Variants in ATP12A observed in about 807,000 individuals in gnomAD.
ATP12A encodes the protein potassium-transporting ATPase alpha chain 2.
ATP12A carries 81 observed loss-of-function variants against 111.2 expected under a neutral mutation model. The observed-to-expected ratio is 0.73, with a 90% confidence interval of 0.61 to 0.88. The LOEUF (loss-of-function observed/expected upper bound fraction) is 0.88. Among genes scored for constraint, ATP12A ranks in the 40% least tolerant of loss-of-function variants. The probability of loss-of-function intolerance (pLI) is 0.00; values close to 1 mark genes in which losing one functional copy is unlikely to be tolerated. For missense variants in ATP12A, 1,196 were observed against 1,313.1 expected (o/e 0.91, Z 1.38); for synonymous variants, 498 against 499.8 (o/e 1.00, Z 0.05).
At chr13:24,705,910 G>A (rs1349655841) in intron 14 of ATP12A, among the ~76,000 whole-genome samples, 1 of 152,138 alleles carries the variant, frequency 6.6e-6, no homozygotes, top group African/African-American at 2.4e-5. Context: ...TTGGCCTCAA[G>A]TGATCCTCCT....
At position 24,709,392 on chromosome 13, in the gene ATP12A, A is replaced by G. The variant is rs1875855518; in HGVS notation, c.2522A>G (p.Lys841Arg). 6.2e-7 allele frequency: 1 copy of G among 1,613,578 alleles called. No individual in the cohort carries two copies. Among genetic ancestry groups the G allele is most frequent in the African/African-American group, 1.3e-5 (1 of 74,782 alleles). The change falls in exon 18 of 23, where the codon AAA becomes AGA. Residue 841 changes from lysine (K) to arginine (R), a missense_variant. By Grantham distance (26) the Lys-to-Arg change is conservative. This residue lies in a region of ATP12A where 1,126 missense variants were observed against 1,228.5 expected (regional missense o/e 0.92). Coordinates refer to ENST00000381946, the MANE Select transcript of ATP12A (RefSeq NM_001676.7). The part of the protein sequence containing the change: ...IIPSIALAYE[K>R]AESDIMNRKP... Reference sequence around the variant, plus strand: ...CCCTCCATTGCCTTGGCGTACGAGAAAGCTGAAAGTGACATCATGAACAGG... The same window carrying G: ...CCCTCCATTGCCTTGGCGTACGAGAGAGCTGAAAGTGACATCATGAACAGG...
rs2137711754 is a variant in ATP12A at position 24,700,832 on chromosome 13, C to T, written c.1791C>T (p.Asn597=). The T allele has an allele frequency of 1.2e-6, 2 of 1,614,190 alleles. No individual in the cohort carries two copies. The highest frequency in any genetic ancestry group is 3.3e-5 in the Admixed American group (2 of 60,026). Residue 597 remains asparagine, a synonymous_variant, in exon 13 of 23, where the codon AAC becomes AAT. Coordinates refer to ENST00000381946, the MANE Select transcript of ATP12A (RefSeq NM_001676.7). ...ACGCTATGAACTTTCCGACCTCCAA[C>T]CTCTGTTTTGTGGGACTCTTGTCAA... ...DIDAMNFPTS[N]LCFVGLLSMI...
rs1349656176 is a variant in ATP12A, at chr13:24,691,934, A to G, written c.1069-495A>G. ...TAGTAATTTGGGGAAATTGGAGCCA[A>G]AAGAACCCTTTGAGATCTAGGGGTT... On this transcript the variant is annotated intron_variant, in intron 8 of 22. Transcript: ENST00000381946. Among the ~76,000 whole-genome samples, 3 of 152,256 alleles carry G rather than the reference A, an allele frequency of 2.0e-5. No individual in the cohort carries two copies. In the East Asian group the frequency reaches 5.8e-4, roughly 29 times the overall value.
Position 24,708,963 on chromosome 13 carries a change from A to AAGAG in ATP12A, c.2494-401_2494-400insAGAG, listed in dbSNP as rs1491294764. On this transcript the variant is annotated intron_variant, in intron 17 of 22. Transcript: ENST00000381946. ...AAAGAAAGAAAGAAAGAAAGAAAGAAGGAAAGAGAAAGAGAAATGAATGCA... is the reference window on the plus strand; with the variant it reads ...AAAGAAAGAAAGAAAGAAAGAAAGAAAGAGGGAAAGAGAAAGAGAAATGAATGCA... 7.3e-5 allele frequency among the ~76,000 whole-genome samples: 8 copies of AAGAG among 109,812 alleles called. No individual in the cohort carries two copies. In the East Asian group the frequency reaches 1.8e-3, roughly 25 times the overall value. The allele number at this position is 109,812 out of a possible 152,430, so 72.0% of individuals were successfully genotyped here. A position where few individuals can be genotyped will look rare whatever the true frequency, so the allele number is the denominator to read the frequency against.
intron 17 of ATP12A, among the ~76,000 whole-genome samples, chr13:24,708,837 A>G (rs1049051296): frequency 1.3e-5 from 2 of 149,608 alleles, no homozygotes; most frequent in African/African-American, 4.9e-5. Flanking sequence ...AGAGAGAAAG[A>G]AAGAGAGAAA....
intron 10 of ATP12A, 144 bp from the exon 11 acceptor site, chr13:24,694,300 G>A (rs765994743): frequency 9.5e-7 from 1 of 1,049,992 alleles, no homozygotes; most frequent in Non-Finnish European, 1.4e-6. Flanking sequence ...GCTTACCACG[G>A]TCTTGCGGCC....
intron 12 of ATP12A, 30 bp from the exon 13 acceptor site, chr13:24,700,717 C>T (rs1280917408): frequency 1.9e-6 from 3 of 1,591,254 alleles, no homozygotes; most frequent in South Asian, 2.3e-5. Flanking sequence ...ATTCTAGTTT[C>T]ACTGACTCAC....
intron 11 of ATP12A, among the ~76,000 whole-genome samples, chr13:24,697,333 A>T (rs1004699924): frequency 7.2e-5 from 11 of 152,200 alleles, no homozygotes; most frequent in African/African-American, 2.7e-4. Flanking sequence ...TATGTTTTAA[A>T]TGTAAAAAGC....
chr13:24,690,758 T>A, intron 7 of ATP12A, 37 bp downstream of exon 7: 1 of 1,573,102 alleles, frequency 6.4e-7, no homozygotes, highest in Non-Finnish European at 8.7e-7. Context: ...CATGTCCACC[T>A]GTGTCCTTTC....
chr13:24,685,471 C>T lies in ATP12A; in HGVS notation c.228+98C>T. The T allele has an allele frequency of 7.7e-7, 1 of 1,301,604 alleles. No individual in the cohort carries two copies. The highest frequency in any genetic ancestry group is 1.2e-5 in the South Asian group (1 of 83,820). 80.6% of individuals were successfully genotyped at this position (1,301,604 alleles called of 1,614,324 possible). A position where few individuals can be genotyped will look rare whatever the true frequency, so the allele number is the denominator to read the frequency against. ...GGGCTGTGTGGAAGAGTAGCGGCAC[C>T]TTTAGGAGGAGGGGCCCCTGCAGCG... On this transcript the variant is annotated intron_variant, in intron 3 of 22. Coordinates refer to ENST00000381946, the MANE Select transcript of ATP12A (RefSeq NM_001676.7). The surrounding 1 kb of genome is among the most constrained non-coding windows in gnomAD (Gnocchi z 5.5).
chr13:24,686,801 G>A (rs984306200), intron 3 of ATP12A, among the ~76,000 whole-genome samples: 1 of 151,002 alleles, frequency 6.6e-6, no homozygotes, highest in African/African-American at 2.4e-5. Context: ...AAATTGCAGA[G>A]AGACACAACC....
At chr13:24,691,713 G>A (rs1014853430) in intron 8 of ATP12A, among the ~76,000 whole-genome samples, 2 of 152,068 alleles carry the variant, frequency 1.3e-5, no homozygotes, top group Admixed American at 1.3e-4. Flanking sequence ...CCAGCTGTTT[G>A]TATGGGCCCA....
intron 11 of ATP12A, among the ~76,000 whole-genome samples, chr13:24,696,718 C>CAAAAAAAAAA (rs1199522203): frequency 3.0e-5 from 1 of 33,026 alleles, no homozygotes; most frequent in Non-Finnish European, 5.8e-5. Flanking sequence ...GACTCCGTCT[C>CAAAAAAAAAA]AAAAAAAAAA....
Position 24,694,551 on chromosome 13 carries a change from C to T in ATP12A, c.1485C>T (p.Ile495=). 6.2e-7 allele frequency: 1 copy of T among 1,613,474 alleles called. No homozygotes were observed. The highest frequency in any genetic ancestry group is 8.5e-7 in the Non-Finnish European group (1 of 1,180,024). Reference sequence around the variant, plus strand: ...AAAGAAACCGCAAAGTAGCTGAAATCCCTTTTAACTCTACTAATAAATTTC... The same window carrying T: ...AAAGAAACCGCAAAGTAGCTGAAATTCCTTTTAACTCTACTAATAAATTTC... ...IRKRNRKVAE[I]PFNSTNKFQL... The change falls in exon 11 of 23, where the codon ATC becomes ATT. Residue 495 remains isoleucine, a synonymous_variant. Coordinates refer to ENST00000381946, the MANE Select transcript of ATP12A (RefSeq NM_001676.7).
At position 24,700,909 on chromosome 13, in the gene ATP12A, G is replaced by C. The variant is rs1875366843; in HGVS notation, c.1868G>C (p.Ser623Thr). Residue 623 changes from serine to threonine, a missense_variant, in exon 13 of 23, where the codon AGT (serine) becomes ACT (threonine). By Grantham distance (58) the Ser-to-Thr change is moderately conservative. Around this residue, in one of 3 missense-constraint regions of ATP12A, gnomAD observed 1,126 missense variants for 1,228.5 expected, o/e 0.92. Transcript: ENST00000381946. ...CCAGATGCAGTCACCAAATGCCGGA[G>C]TGCAGGGATCAAGGTGGGAGTTATT... ...TVPDAVTKCR[S>T]AGIKVIMVTG... The C allele has an allele frequency of 6.2e-7, 1 of 1,613,984 alleles. No individual in the cohort carries two copies. Among genetic ancestry groups the C allele is most frequent in the Non-Finnish European group, 8.5e-7 (1 of 1,179,990 alleles).
At chr13:24,690,532 C>A in intron 6 of ATP12A, 60 bp downstream of exon 6, 1 of 1,604,328 alleles carries the variant, frequency 6.2e-7, no homozygotes, top group Non-Finnish European at 8.5e-7. Context: ...GCTCTGGGGT[C>A]TTTCCCAGCA....
In ATP12A at chr13:24,690,631, T is replaced by C. The variant is rs779166927; in HGVS notation, c.709T>C (p.Ser237Pro). ...GGATAACTCATCTCTCACGGGGGAGTCTGAGCCCCAGCCCCGCTCCTCTGA... is the reference window on the plus strand; with the variant it reads ...GGATAACTCATCTCTCACGGGGGAGCCTGAGCCCCAGCCCCGCTCCTCTGA... ...RVDNSSLTGESEPQPRSSEFT... is the reference protein window; with the variant it reads ...RVDNSSLTGEPEPQPRSSEFT... Residue 237 changes from serine (S) to proline (P), a missense_variant, in exon 7 of 23, where the codon TCT becomes CCT. Physicochemically the swap from Ser to Pro is moderately conservative, Grantham distance 74 (BLOSUM62 -1). Coordinates refer to ENST00000381946, the MANE Select transcript of ATP12A (RefSeq NM_001676.7). The C allele has an allele frequency of 6.2e-7, 1 of 1,612,292 alleles. No homozygotes were observed. The highest frequency in any genetic ancestry group is 8.5e-7 in the Non-Finnish European group (1 of 1,179,466).
rs547356936 is a variant in ATP12A at position 24,697,140 on chromosome 13, A to G, written c.1513-1518A>G. On this transcript the variant is annotated intron_variant, in intron 11 of 22. Coordinates refer to ENST00000381946, the MANE Select transcript of ATP12A (RefSeq NM_001676.7). ...CAGCTCAGCCACCAGATAGCCACCT[A>G]TTGCTCAGTGACCCTGAGTGAAGCA... Among the ~76,000 whole-genome samples the G allele has an allele frequency of 3.9e-5, 6 of 152,296 alleles. No individual in the cohort carries two copies. In the South Asian group the frequency reaches 1.2e-3, roughly 32 times the overall value.
In ATP12A at chr13:24,709,749, C is replaced by T; in HGVS notation, c.2684C>T (p.Pro895Leu). 6.2e-7 allele frequency: 1 copy of T among 1,614,226 alleles called. No homozygotes were observed. Among genetic ancestry groups the T allele is most frequent in the Middle Eastern group, 1.6e-4 (1 of 6,062 alleles). ...GTCTATGCACAAGAGGGCTTTCTGC[C>T]CCGCACTCTCATTAACCTGCGGGTA... ...FTVYAQEGFL[P>L]RTLINLRVEW... is the part of the protein sequence containing the mutation. Residue 895 changes from proline (P) to leucine (L), a missense_variant, in exon 19 of 23, where the codon CCC becomes CTC. This residue lies in a region of ATP12A where 1,126 missense variants were observed against 1,228.5 expected (regional missense o/e 0.92). Transcript: ENST00000381946.
Sources: allele counts gnomAD v4.1 joint callset (sites outside exome capture counted in the v4.1 genomes callset), GRCh38; gene constraint gnomAD v4.1.1; regional missense constraint gnomAD v4.1.1; non-coding constraint Gnocchi (gnomAD v3.1); transcripts MANE v1.5; gene names NCBI Gene and HGNC (gene_info 2026-07-23, HGNC 2026-07-21).